PPP6R2: variants seen among roughly 807,000 people sequenced by gnomAD.
PPP6R2 encodes protein phosphatase 6 regulatory subunit 2.
A neutral mutation model predicts 100.2 loss-of-function variants in PPP6R2; 62 were observed. The observed-to-expected ratio is 0.62, with a 90% CI of 0.50 to 0.76. PPP6R2 has a LOEUF of 0.76. Ranked by LOEUF, PPP6R2 falls within the 30% of genes least tolerant of loss-of-function variation. The pLI is 0.00. For synonymous variants in PPP6R2, 525 were observed against 514.7 expected (o/e 1.02, Z -0.27); for missense variants, 1,142 against 1,276.3 (o/e 0.89, Z 1.60).
At chr22:50,418,470 C>G (rs1015825964) in intron 6 of PPP6R2, among the ~76,000 whole-genome samples, 1 of 151,832 alleles carries the variant, frequency 6.6e-6, no homozygotes, top group African/African-American at 2.4e-5. Flanking sequence ...ACTGCAAGCT[C>G]CTTCTCCCAG....
chr22:50,343,899 T>G (rs1207929448), intron 1 of PPP6R2, among the ~76,000 whole-genome samples: 1 of 4,888 alleles, frequency 2.0e-4, no homozygotes, highest in African/African-American at 1.5e-3. Flanking sequence ...TCCAGTCAGT[T>G]CCCCCCCAGT....
chr22:50,432,456 G>A (rs559015643), intron 12 of PPP6R2, 127 bp downstream of exon 12: 18 of 867,388 alleles, frequency 2.1e-5, no homozygotes, highest in Admixed American at 4.4e-5. Context: ...GGTGTGCGAC[G>A]TGGCTCCACG....
chr22:50,399,543 A>G (rs1024731685), intron 3 of PPP6R2, among the ~76,000 whole-genome samples: 3 of 152,250 alleles, frequency 2.0e-5, no homozygotes, highest in Admixed American at 1.3e-4. Flanking sequence ...GAACACCTCC[A>G]TGACCACAGG....
rs375618405 is a variant in PPP6R2 at position 50,393,938 on chromosome 22, G to A, written c.30G>A (p.Thr10=). The A allele has an allele frequency of 2.5e-6, 4 of 1,614,054 alleles. No individual in the cohort carries two copies. The highest frequency in any genetic ancestry group is 1.7e-5 in the Admixed American group (1 of 59,984). ...TCTGGAAGTTTGACTTGAACACCACGTCCCATGTTGACAAGCTGCTGGACA... is the reference window on the plus strand; with the variant it reads ...TCTGGAAGTTTGACTTGAACACCACATCCCATGTTGACAAGCTGCTGGACA... The part of the protein sequence containing the change: MFWKFDLNT[T]SHVDKLLDKE... Residue 10 remains threonine, a synonymous_variant, in exon 3 of 24, where the codon ACG becomes ACA. Coordinates refer to ENST00000612753, the MANE Select transcript of PPP6R2 (RefSeq NM_001242898.2).
At chr22:50,357,166 A>AT (rs1049750308) in intron 1 of PPP6R2, among the ~76,000 whole-genome samples, 3 of 151,964 alleles carry the variant, frequency 2.0e-5, no homozygotes, top group Admixed American at 6.6e-5. Flanking sequence ...CCATTCGTGT[A>AT]TTTTTTTGTG....
At chr22:50,408,465 C>T (rs139213520) in intron 4 of PPP6R2, among the ~76,000 whole-genome samples, 53 of 152,272 alleles carry the variant, frequency 3.5e-4, no homozygotes, top group African/African-American at 1.3e-3. Flanking sequence ...GACTGCCTCA[C>T]CTCAGCTCCT....
At position 50,439,708 on chromosome 22, in the gene PPP6R2, G is replaced by A; in HGVS notation, c.2136G>A (p.Met712Ile). ...PPVEGDSEGA[M>I]WTAVFDEPAN... ...GTGTCTCTCCCCCAGCAGGCGCCAT[G>A]TGGACGGCAGTGTTTGATGAGCCAG... The change falls in exon 20 of 24, where the codon ATG becomes ATA. Residue 712 changes from methionine to isoleucine, a missense_variant. Physicochemically the swap from Met to Ile is conservative, Grantham distance 10. Around this residue, in one of 2 missense-constraint regions of PPP6R2, gnomAD observed 550 missense variants for 517.4 expected, o/e 1.06. Coordinates refer to ENST00000612753, the MANE Select transcript of PPP6R2 (RefSeq NM_001242898.2). 1 of 1,595,480 alleles carries A rather than the reference G, an allele frequency of 6.3e-7. No homozygotes were observed. Among genetic ancestry groups the A allele is most frequent in the Non-Finnish European group, 8.5e-7 (1 of 1,169,942 alleles).
intron 2 of PPP6R2, among the ~76,000 whole-genome samples, chr22:50,381,563 C>G (rs2053027125): frequency 6.6e-6 from 1 of 152,118 alleles, no homozygotes; most frequent in South Asian, 2.1e-4. Context: ...TTACAGCAAA[C>G]TAGGATAGGG....
At chr22:50,437,169 A>G in intron 15 of PPP6R2, 101 bp downstream of exon 15, 5 of 1,206,754 alleles carry the variant, frequency 4.1e-6, no homozygotes, top group Admixed American at 2.0e-5. Context: ...CTCACTAGCA[A>G]AGGGGAGCGG....
Position 50,431,044 on chromosome 22 carries a change from T to G in PPP6R2, c.1126-129T>G, listed in dbSNP as rs953276239. 5.4e-6 allele frequency: 4 copies of G among 745,000 alleles called. No homozygotes were observed. Among genetic ancestry groups the G allele is most frequent in the African/African-American group, 5.3e-5 (3 of 57,116 alleles). 46.1% of individuals were successfully genotyped at this position (745,000 alleles called of 1,614,324 possible). A position where few individuals can be genotyped will look rare whatever the true frequency, so the allele number is the denominator to read the frequency against. ...CAGGAAAACGCTTAAAACTCCTTCC[T>G]AGCTACCCAGAGACTGGACTTGTGA... On this transcript the variant is annotated intron_variant, in intron 10 of 23. Transcript: ENST00000612753. The surrounding 1 kb of genome is among the most constrained non-coding windows in gnomAD (Gnocchi z 4.8).
chr22:50,346,815 G>A (rs1173954899), intron 1 of PPP6R2, among the ~76,000 whole-genome samples: 20 of 59,368 alleles, frequency 3.4e-4, no homozygotes, highest in Non-Finnish European at 4.7e-4. Flanking sequence ...CCTGTCCCCC[G>A]TCAGCCAGTG....
chr22:50,426,990 C>T lies in PPP6R2; in HGVS notation c.1125+3376C>T, dbSNP rs183862628. On this transcript the variant is annotated intron_variant, in intron 10 of 23. Transcript: ENST00000612753. ...GATCATGAGGTCAGGAGATTGAGAC[C>T]ATCCTGGCCAACATAGTGAAACCCC... is the stretch of plus-strand genomic sequence containing the variant. 2.6e-3 allele frequency among the ~76,000 whole-genome samples: 398 copies of T among 151,958 alleles called. 1 individual carries two copies. Among genetic ancestry groups the T allele is most frequent in the Middle Eastern group, 0.01 (3 of 294 alleles).
chr22:50,335,291 C>T, the PPP6R2 span, among the ~76,000 whole-genome samples: 9 of 148,760 alleles, frequency 6.1e-5, no homozygotes, highest in Admixed American at 6.1e-4. Flanking sequence ...TTTTGATCTC[C>T]TCACCTGGTG....
At chr22:50,376,463 C>T (rs772248427) in intron 2 of PPP6R2, among the ~76,000 whole-genome samples, 20 of 152,144 alleles carry the variant, frequency 1.3e-4, no homozygotes, top group Non-Finnish European at 2.8e-4. Flanking sequence ...GTCGCCTAGG[C>T]TGGAGTTGGA....
intron 2 of PPP6R2, among the ~76,000 whole-genome samples, chr22:50,373,830 T>G (rs1373687941): frequency 6.6e-6 from 1 of 151,760 alleles, no homozygotes; most frequent in Non-Finnish European, 1.5e-5. Context: ...GCCTCCTGGG[T>G]TCAAGCGAAT....
chr22:50,368,220 C>T lies in PPP6R2; in HGVS notation c.-147-3800C>T, dbSNP rs932976419. Among the ~76,000 whole-genome samples the T allele has an allele frequency of 3.3e-5, 5 of 152,186 alleles. No individual in the cohort carries two copies. In the South Asian group the frequency reaches 6.2e-4, roughly 19 times the overall value. ...AGACGTTTACGCCTCCAGATGGCTG[C>T]GGGCGGGCCTGACTGATGTCAGGCC... On this transcript the variant is annotated intron_variant, in intron 1 of 23. Coordinates refer to ENST00000612753, the MANE Select transcript of PPP6R2 (RefSeq NM_001242898.2).
chr22:50,418,680 C>G (rs1727039829), intron 6 of PPP6R2, among the ~76,000 whole-genome samples, 187 bp from the exon 7 acceptor site: 1 of 151,610 alleles, frequency 6.6e-6, no homozygotes, highest in African/African-American at 2.4e-5. Context: ...GCCATTGTGC[C>G]TGGCCAAAAG....
chr22:50,423,328 T>C lies in PPP6R2; in HGVS notation c.973-134T>C. The C allele has an allele frequency of 9.4e-7, 1 of 1,061,432 alleles. No individual in the cohort carries two copies. 65.8% of individuals were successfully genotyped at this position (1,061,432 alleles called of 1,614,324 possible). A position where few individuals can be genotyped will look rare whatever the true frequency, so the allele number is the denominator to read the frequency against. ...ATTTCTTCTGGCAGACGGCCCTCCCTGAGGAACCCCCACCACATACCTCGC... is the reference window on the plus strand; with the variant it reads ...ATTTCTTCTGGCAGACGGCCCTCCCCGAGGAACCCCCACCACATACCTCGC... On this transcript the variant is annotated intron_variant, in intron 9 of 23. Transcript: ENST00000612753. The surrounding 1 kb of genome is among the most constrained non-coding windows in gnomAD (Gnocchi z 4.8).
intron 1 of PPP6R2, among the ~76,000 whole-genome samples, chr22:50,367,716 G>A (rs80221238): frequency 1.3e-5 from 2 of 152,152 alleles, no homozygotes; most frequent in Non-Finnish European, 2.9e-5. Flanking sequence ...TTTGTTTTGT[G>A]TTGTTTTTTG....
Sources: gnomAD v4.1 joint callset for allele counts (sites outside exome capture counted in the v4.1 genomes callset) on GRCh38, gnomAD v4.1.1 for gene constraint, gnomAD v4.1.1 regional missense constraint, Gnocchi (gnomAD v3.1) non-coding constraint, MANE v1.5 for transcripts, NCBI Gene and HGNC (gene_info 2026-07-23, HGNC 2026-07-21) for gene names.